RNF38: variants seen among roughly 807,000 people sequenced by gnomAD.
RNF38 encodes the protein ring finger protein 38.
In RNF38, 15 loss-of-function variants were observed where a neutral mutation model predicts 67.2. The observed-to-expected ratio is 0.22, with a 90% confidence interval of 0.15 to 0.34. The LOEUF is 0.34. Ranked by LOEUF, RNF38 falls within the 10% of genes least tolerant of loss-of-function variation. The probability of loss-of-function intolerance (pLI) is 1.00; values close to 1 mark genes in which losing one functional copy is unlikely to be tolerated. For synonymous variants in RNF38, 220 were observed against 218.8 expected (o/e 1.01, Z -0.05); for missense variants, 524 against 639.9 (o/e 0.82, Z 1.95).
chr9:36,441,331 T>A (rs1016598317), intron 1 of RNF38, among the ~76,000 whole-genome samples: 5 of 123,410 alleles, frequency 4.1e-5, no homozygotes, highest in Non-Finnish European at 6.3e-5. Context: ...AAATTACCAA[T>A]TTTTTTTTTT....
At chr9:36,481,177 G>C (rs1232790408) in intron 1 of RNF38, among the ~76,000 whole-genome samples, 1 of 151,856 alleles carries the variant, frequency 6.6e-6, no homozygotes, top group Non-Finnish European at 1.5e-5. Context: ...ACCACGCCCA[G>C]CTAATTTTTG....
chr9:36,343,661 C>T (rs1289643885), intron 10 of RNF38, among the ~76,000 whole-genome samples: 1 of 151,932 alleles, frequency 6.6e-6, no homozygotes, highest in Admixed American at 6.6e-5. Flanking sequence ...AAAGTGGAAA[C>T]CCAAATGTCC....
At chr9:36,451,806 AT>A (rs1223938899) in intron 1 of RNF38, among the ~76,000 whole-genome samples, 1 of 151,708 alleles carries the variant, frequency 6.6e-6, no homozygotes, top group Non-Finnish European at 1.5e-5. Flanking sequence ...GGCTTGCAGT[AT>A]TTTTTTAATG....
intron 2 of RNF38, among the ~76,000 whole-genome samples, chr9:36,415,531 T>C (rs1838441616): frequency 6.6e-6 from 1 of 152,190 alleles, no homozygotes; most frequent in East Asian, 1.9e-4. Context: ...CATGGTGCTC[T>C]CCCCCTTCCC....
intron 1 of RNF38, among the ~76,000 whole-genome samples, chr9:36,437,586 CA>C (rs11308039): frequency 0.042 from 6,275 of 151,024 alleles, 232 homozygotes; most frequent in East Asian, 0.12. Context: ...GAGGCGCAGA[CA>C]AATCAATACT....
chr9:36,369,973 G>C (rs1190324021), intron 3 of RNF38, 41 bp from the exon 4 acceptor site: 1 of 1,490,986 alleles, frequency 6.7e-7, no homozygotes, highest in Non-Finnish European at 9.2e-7. Context: ...TGCTTATTGT[G>C]ATCCATCAGG....
At chr9:36,444,375 TAGG>T in intron 1 of RNF38, among the ~76,000 whole-genome samples, 1 of 152,148 alleles carries the variant, frequency 6.6e-6, no homozygotes, top group South Asian at 2.1e-4. Flanking sequence ...ACCAAGGTGA[TAGG>T]TTAATCTGTG....
chr9:36,439,892 G>T (rs1839156584), intron 1 of RNF38, among the ~76,000 whole-genome samples: 1 of 151,528 alleles, frequency 6.6e-6, no homozygotes. Flanking sequence ...TTGTAACTGA[G>T]AACATTTTAT....
At chr9:36,434,054 G>A (rs1838999765) in intron 1 of RNF38, among the ~76,000 whole-genome samples, 1 of 151,492 alleles carries the variant, frequency 6.6e-6, no homozygotes, top group African/African-American at 2.4e-5. Context: ...TAGCCAACAT[G>A]GTGAAACCCC....
At chr9:36,340,225 C>A (rs950644570) in intron 11 of RNF38, among the ~76,000 whole-genome samples, 1 of 151,908 alleles carries the variant, frequency 6.6e-6, no homozygotes, top group African/African-American at 2.4e-5. Context: ...GTGATCCACC[C>A]ACCATGGCCT....
At chr9:36,454,272 C>T (rs769375824) in intron 1 of RNF38, among the ~76,000 whole-genome samples, 3 of 151,958 alleles carry the variant, frequency 2.0e-5, no homozygotes, top group East Asian at 1.9e-4. Flanking sequence ...TACAGGCATC[C>T]GCCACCATGC....
intron 3 of RNF38, chr9:36,372,714 C>G (rs763301449): frequency 2.2e-6 from 1 of 463,702 alleles, no homozygotes; most frequent in South Asian, 4.7e-5. Flanking sequence ...TTGCTATGAA[C>G]GAGGACCATG....
At position 36,466,326 on chromosome 9, in the gene RNF38, G is replaced by C. The variant is rs372087604; in HGVS notation, n.241+20982C>G. ...GATGAAAATGCTCTGGTATTAGATAGTGGTACTGGTTACACAACTGTGAAT... is the reference window on the plus strand; with the variant it reads ...GATGAAAATGCTCTGGTATTAGATACTGGTACTGGTTACACAACTGTGAAT... On this transcript the variant is annotated intron_variant and non_coding_transcript_variant, in intron 1 of 3. Coordinates refer to the RNF38 transcript ENST00000488058. Among the ~76,000 whole-genome samples, 113 of 152,278 alleles carry C rather than the reference G, an allele frequency of 7.4e-4. 2 individuals carry two copies. The South Asian group carries it at 0.022, about 30-fold the overall frequency.
At chr9:36,398,507 C>T (rs1190705320) in intron 1 of RNF38, among the ~76,000 whole-genome samples, 4 of 152,190 alleles carry the variant, frequency 2.6e-5, no homozygotes, top group African/African-American at 9.7e-5. Flanking sequence ...CTAAATTTCT[C>T]TCATTAATTT....
At chr9:36,365,989 T>G (rs1285026008) in intron 4 of RNF38, among the ~76,000 whole-genome samples, 1 of 152,250 alleles carries the variant, frequency 6.6e-6, no homozygotes, top group East Asian at 1.9e-4. Context: ...ACTTCTTTAG[T>G]ATTACTATGA....
intron 1 of RNF38, among the ~76,000 whole-genome samples, chr9:36,438,549 T>C (rs1174355438): frequency 6.6e-6 from 1 of 151,950 alleles, no homozygotes; most frequent in Non-Finnish European, 1.5e-5. Flanking sequence ...ATATTCAAGA[T>C]TCCTCCCTCC....
At chr9:36,485,449 A>G (rs1840383958) in intron 1 of RNF38, among the ~76,000 whole-genome samples, 1 of 152,182 alleles carries the variant, frequency 6.6e-6, no homozygotes, top group African/African-American at 2.4e-5. Context: ...AAGCTTATCT[A>G]TCCACAACCT....
chr9:36,390,361 C>T (rs1836983891), intron 2 of RNF38, 106 bp downstream of exon 2: 1 of 945,988 alleles, frequency 1.1e-6, no homozygotes, highest in East Asian at 2.7e-5. Context: ...CCACATACAA[C>T]AGAAAACAAG....
At chr9:36,396,254 T>A (rs1433015691) in intron 1 of RNF38, among the ~76,000 whole-genome samples, 1 of 152,244 alleles carries the variant, frequency 6.6e-6, no homozygotes, top group Non-Finnish European at 1.5e-5. Flanking sequence ...TGGTTGGCAA[T>A]GAGACAAGCT....
Sources: gnomAD v4.1 joint callset for allele counts (sites outside exome capture counted in the v4.1 genomes callset) on GRCh38, gnomAD v4.1.1 for gene constraint, MANE v1.5 for transcripts, NCBI Gene and HGNC (gene_info 2026-07-23, HGNC 2026-07-21) for gene names.